Variants in SNX19 observed in about 807,000 individuals in gnomAD.
SNX19 encodes the protein sorting nexin 19, also known as sorting nexin-19.
A neutral mutation model predicts 85.2 loss-of-function variants in SNX19; 60 were observed. The ratio of observed to expected loss-of-function variants is 0.70; its 90% CI spans 0.57 to 0.87. The LOEUF (loss-of-function observed/expected upper bound fraction) is 0.87, where lower values mean the gene tolerates loss of function less well. Among genes scored for constraint, SNX19 ranks in the 40% least tolerant of loss-of-function variants. The probability of loss-of-function intolerance (pLI) is 0.00; values close to 1 mark genes in which losing one functional copy is unlikely to be tolerated. For missense variants in SNX19, 1,201 were observed against 1,217.8 expected (o/e 0.99, Z 0.21); for synonymous variants, 520 against 470.0 (o/e 1.11, Z -1.38).
rs1450545189 is a variant in SNX19 at position 130,905,630 on chromosome 11, G to A, written c.2443+323C>T. On this transcript the variant is annotated intron_variant, in intron 7 of 10. Transcript: ENST00000265909. ...GAAACTGAGACACTAAGGGAAGAAA[G>A]TTTCTAAGAAATGCAAGAGTCTGAT... The A allele has an allele frequency of 3.4e-6, 5 of 1,452,176 alleles. No individual in the cohort carries two copies. The African/African-American group carries it at 4.3e-5, about 12-fold the overall frequency. The allele number at this position is 1,452,176 out of a possible 1,614,324, so 90.0% of individuals were successfully genotyped here.
intron 8 of SNX19, among the ~76,000 whole-genome samples, chr11:130,895,692 A>T (rs964882184): frequency 6.6e-6 from 1 of 152,198 alleles, no homozygotes; most frequent in Non-Finnish European, 1.5e-5. Flanking sequence ...CCTCTATTTG[A>T]GTATATGAGA....
intron 7 of SNX19, among the ~76,000 whole-genome samples, chr11:130,903,696 CATATATATAT>C (rs146822848): frequency 2.2e-5 from 3 of 134,584 alleles, no homozygotes; most frequent in Non-Finnish European, 3.1e-5. Flanking sequence ...TGTATATATA[CATATATATAT>C]ATATACACAT....
intron 8 of SNX19, among the ~76,000 whole-genome samples, chr11:130,883,618 A>G (rs1390220999): frequency 6.6e-6 from 1 of 152,216 alleles, no homozygotes; most frequent in Non-Finnish European, 1.5e-5. Flanking sequence ...GCATGGTTTA[A>G]ACATTTGCTC....
chr11:130,910,083 C>A lies in SNX19; in HGVS notation c.1969G>T (p.Ala657Ser), dbSNP rs1268898137. ...GCAATACGAGCATCTGTGTTCAGAGCAAGGAACTCCTGCACCTCCTCACTG... is the reference window on the plus strand; with the variant it reads ...GCAATACGAGCATCTGTGTTCAGAGAAAGGAACTCCTGCACCTCCTCACTG... ...ANSEEVQEFL[A>S]LNTDARIAFV... Residue 657 changes from alanine to serine, a missense_variant, in exon 4 of 11, where the codon GCT becomes TCT. Around this residue, in one of 3 missense-constraint regions of SNX19, gnomAD observed 125 missense variants for 171.6 expected, o/e 0.73. Transcript: ENST00000265909. The A allele has an allele frequency of 1.2e-6, 2 of 1,614,142 alleles. No homozygotes were observed. The highest frequency in any genetic ancestry group is 1.1e-5 in the South Asian group (1 of 91,084).
intron 8 of SNX19, chr11:130,894,604 T>TGGTGCCCATAGAGAGAATTCC (rs1944743410): frequency 2.0e-6 from 2 of 982,448 alleles, no homozygotes; most frequent in African/African-American, 3.5e-5. Flanking sequence ...CAGCGCCACC[T>TGGTGCCCATAGAGAGAATTCC]GGTGCCCATA....
intron 1 of SNX19, among the ~76,000 whole-genome samples, chr11:130,912,936 A>G (rs1370941704): frequency 6.6e-6 from 1 of 152,234 alleles, no homozygotes; most frequent in African/African-American, 2.4e-5. Flanking sequence ...AATCAGTTAT[A>G]TGTCCATATA....
intron 10 of SNX19, 34 bp downstream of exon 10, chr11:130,879,590 T>C (rs1943508995): frequency 6.3e-7 from 1 of 1,584,844 alleles, no homozygotes. Flanking sequence ...TGGCTGTAAC[T>C]ATGCTGATGT....
Position 130,914,328 on chromosome 11 carries a change from T to A in SNX19, c.1612A>T (p.Thr538Ser), listed in dbSNP as rs751225671. The A allele has an allele frequency of 1.9e-6, 3 of 1,612,064 alleles. No homozygotes were observed. The highest frequency in any genetic ancestry group is 1.7e-6 in the Non-Finnish European group (2 of 1,179,004). The change falls in exon 1 of 11, where the codon ACC becomes TCC. Residue 538 changes from threonine (T) to serine (S), a missense_variant. Thr to Ser is a moderately conservative substitution (Grantham distance 58). This residue lies in a region of SNX19 where 791 missense variants were observed against 750.9 expected (regional missense o/e 1.05). Coordinates refer to ENST00000265909, the MANE Select transcript of SNX19 (RefSeq NM_014758.3). ...CCACTGTGCTCTCGGGCTGTAATGGTGCCAGTGATACGAAGGTTCTGGATG... is the reference window on the plus strand; with the variant it reads ...CCACTGTGCTCTCGGGCTGTAATGGAGCCAGTGATACGAAGGTTCTGGATG... ...VIIQNLRITGTITAREHSGTG... is the reference protein window; with the variant it reads ...VIIQNLRITGSITAREHSGTG...
At chr11:130,886,768 C>T (rs1361581271) in intron 8 of SNX19, among the ~76,000 whole-genome samples, 1 of 152,178 alleles carries the variant, frequency 6.6e-6, no homozygotes, top group African/African-American at 2.4e-5. Context: ...CGTTCCCAGG[C>T]CTCTGTCTTC....
Position 130,879,732 on chromosome 11 carries a change from G to A in SNX19, c.2759-21C>T, listed in dbSNP as rs368887462. On this transcript the variant is annotated intron_variant, in intron 9 of 10. Transcript: ENST00000265909. ...GAGATCTGAGGAGGAAAAAACAGAT[G>A]GAATTTGCGTGTTATCACTGAAGTT... 7.9e-5 allele frequency: 127 copies of A among 1,607,692 alleles called. No individual in the cohort carries two copies. The Middle Eastern group carries it at 1.2e-3, about 15-fold the overall frequency.
rs1943220307 is a variant in SNX19, at chr11:130,875,838, T to C, written c.*2584A>G. 1 of 152,190 alleles carries C rather than the reference T, an allele frequency of 6.6e-6. No homozygotes were observed. The highest frequency in any genetic ancestry group is 2.4e-5 in the African/African-American group (1 of 41,438). The allele number at this position is 152,190 out of a possible 1,614,324, so 9.4% of individuals were successfully genotyped here. On this transcript the variant is annotated 3_prime_UTR_variant, in exon 11 of 11. Transcript: ENST00000265909. ...TGCACATGTTCCCTAGAACTTAATG[T>C]ATAATAATAATAAAAATAAAATTTA...
rs1207161155 is a variant in SNX19, at chr11:130,878,065, CAT to C, written c.*355_*356del. 1.0e-4 allele frequency: 17 copies of C among 169,466 alleles called. No homozygotes were observed. Among genetic ancestry groups the C allele is most frequent in the Admixed American group, 8.9e-4 (15 of 16,766 alleles). 10.5% of individuals were successfully genotyped at this position (169,466 alleles called of 1,614,324 possible). On this transcript the variant is annotated 3_prime_UTR_variant, in exon 11 of 11. Transcript: ENST00000265909. ...AGCTTGTGTGCTGGTGGATTAAGCA[CAT>C]GTGTGCACAGGGCCAGGATTCTGGC...
intron 8 of SNX19, among the ~76,000 whole-genome samples, chr11:130,887,525 C>A (rs1944176007): frequency 6.6e-6 from 1 of 152,188 alleles, no homozygotes; most frequent in Non-Finnish European, 1.5e-5. Flanking sequence ...TATCTTAGTT[C>A]TGCTACCCAA....
Position 130,877,380 on chromosome 11 carries a change from C to T in SNX19, c.*1042G>A, listed in dbSNP as rs1429992632. ...GTGTTGTTAAAGGACTGATTATAAC[C>T]GTAAGGAATGGGAAATAAGAAGCTA... On this transcript the variant is annotated 3_prime_UTR_variant, in exon 11 of 11. Coordinates refer to ENST00000265909, the MANE Select transcript of SNX19 (RefSeq NM_014758.3). The T allele has an allele frequency of 2.6e-5, 4 of 152,178 alleles. No individual in the cohort carries two copies. The highest frequency in any genetic ancestry group is 1.9e-4 in the East Asian group (1 of 5,200). The allele number at this position is 152,178 out of a possible 1,614,324, so 9.4% of individuals were successfully genotyped here.
intron 8 of SNX19, among the ~76,000 whole-genome samples, chr11:130,891,736 G>C (rs1379972245): frequency 1.3e-5 from 2 of 152,116 alleles, no homozygotes; most frequent in African/African-American, 4.8e-5. Context: ...AAAGACACTT[G>C]GGGTCTGTGT....
At chr11:130,900,828 A>G (rs189238622) in intron 8 of SNX19, among the ~76,000 whole-genome samples, 270 of 152,334 alleles carry the variant, frequency 1.8e-3, no homozygotes, top group African/African-American at 5.9e-3. Context: ...AAGTCCAAAA[A>G]AAGAAGAAGA....
chr11:130,889,943 T>G (rs999321641), intron 8 of SNX19, among the ~76,000 whole-genome samples: 1 of 152,164 alleles, frequency 6.6e-6, no homozygotes, highest in Admixed American at 6.5e-5. Context: ...GAAAATATAA[T>G]CTGGGCCTTA....
chr11:130,880,499 G>T, intron 9 of SNX19, 123 bp downstream of exon 9: 1 of 843,232 alleles, frequency 1.2e-6, no homozygotes, highest in Non-Finnish European at 1.8e-6. Context: ...TGGGTCAACA[G>T]AGTTTTGAAT....
Position 130,866,457 on chromosome 11 carries a change from G to A in SNX19, c.*11965C>T, listed in dbSNP as rs1449615450. On this transcript the variant is annotated 3_prime_UTR_variant, in exon 11 of 11. Transcript: ENST00000265909. ...GACAAACAGCATGAGAAAAGGCCGGGAGACAGTAATAAATACGTGCCCATT... is the reference window on the plus strand; with the variant it reads ...GACAAACAGCATGAGAAAAGGCCGGAAGACAGTAATAAATACGTGCCCATT... 2 of 152,142 alleles carry A rather than the reference G, an allele frequency of 1.3e-5. No homozygotes were observed. The highest frequency in any genetic ancestry group is 6.5e-5 in the Admixed American group (1 of 15,284). 9.4% of individuals were successfully genotyped at this position (152,142 alleles called of 1,614,324 possible).
Sources: allele counts gnomAD v4.1 joint callset (sites outside exome capture counted in the v4.1 genomes callset), GRCh38; gene constraint gnomAD v4.1.1; regional missense constraint gnomAD v4.1.1; transcripts MANE v1.5; gene names NCBI Gene and HGNC (gene_info 2026-07-23, HGNC 2026-07-21).